JMJD1C: variants seen among roughly 807,000 people sequenced by gnomAD.
The protein encoded by JMJD1C is jumonji domain-containing protein 1C.
In JMJD1C, 31 loss-of-function variants were observed where a neutral mutation model predicts 245.3. The observed-to-expected ratio is 0.13, with a 90% CI of 0.09 to 0.17. The LOEUF (loss-of-function observed/expected upper bound fraction) is 0.17. Ranked by LOEUF, JMJD1C falls within the 10% of genes least tolerant of loss-of-function variation. The probability of loss-of-function intolerance (pLI) is 1.00; values close to 1 mark genes in which losing one functional copy is unlikely to be tolerated. For synonymous variants in JMJD1C, 1,057 were observed against 1,017.4 expected (o/e 1.04, Z -0.74); for missense variants, 2,691 against 3,000.2 (o/e 0.90, Z 2.41).
At chr10:63,385,416 C>CTTTTTT (rs35450282) in intron 1 of JMJD1C, among the ~76,000 whole-genome samples, 17 of 53,772 alleles carry the variant, frequency 3.2e-4, no homozygotes, top group East Asian at 8.2e-4. Context: ...CTGCCCCCGC[C>CTTTTTT]TTTTTTTTTT....
At chr10:63,180,925 C>T (rs982172888) in intron 22 of JMJD1C, among the ~76,000 whole-genome samples, 8 of 152,214 alleles carry the variant, frequency 5.3e-5, no homozygotes, top group Middle Eastern at 3.4e-3. Context: ...CCCGCCACTA[C>T]GCCCGGCTAA....
intron 1 of JMJD1C, among the ~76,000 whole-genome samples, chr10:63,406,850 A>G (rs889977527): frequency 2.0e-5 from 3 of 152,214 alleles, no homozygotes; most frequent in Admixed American, 2.0e-4. Context: ...AGACACTTAC[A>G]AAAGTCAAAT....
At chr10:63,351,003 C>T (rs1430575630) in intron 2 of JMJD1C, among the ~76,000 whole-genome samples, 2 of 151,840 alleles carry the variant, frequency 1.3e-5, no homozygotes, top group East Asian at 3.9e-4. Flanking sequence ...ATTTAATATA[C>T]ATCTATATAT....
chr10:63,305,513 CTCT>C (rs1938030797), intron 2 of JMJD1C, among the ~76,000 whole-genome samples: 2 of 27,610 alleles, frequency 7.2e-5, no homozygotes, highest in South Asian at 1.8e-3. Context: ...AGGTCTGACC[CTCT>C]CTCTCTCTCT....
intron 2 of JMJD1C, among the ~76,000 whole-genome samples, chr10:63,320,374 T>A (rs1940704691): frequency 6.6e-6 from 1 of 152,212 alleles, no homozygotes; most frequent in African/African-American, 2.4e-5. Flanking sequence ...ATCCAGTATA[T>A]TATTTTTCTT....
rs905013608 is a variant in JMJD1C at position 63,215,614 on chromosome 10, T to C, written c.761A>G (p.Glu254Gly). ...DDVVHSLLKG[E>G]NIGITSRRRS... is the part of the protein sequence containing the mutation. ...GCGTCGTGATGTAATGCCAATATTT[T>C]CACCTTTTAACAAAGAGTGAACAAC... The change falls in exon 6 of 26, where the codon GAA becomes GGA. Residue 254 changes from glutamate (E) to glycine (G), a missense_variant. Glu to Gly is a moderately conservative substitution (Grantham distance 98). This residue lies in a region of JMJD1C where 172 missense variants were observed against 240.8 expected (regional missense o/e 0.71). Coordinates refer to ENST00000399262, the MANE Select transcript of JMJD1C (RefSeq NM_032776.3). 1 of 1,611,572 alleles carries C rather than the reference T, an allele frequency of 6.2e-7. No homozygotes were observed. Among genetic ancestry groups the C allele is most frequent in the African/African-American group, 1.3e-5 (1 of 74,910 alleles).
intron 1 of JMJD1C, among the ~76,000 whole-genome samples, chr10:63,463,247 C>T (rs1418282647): frequency 6.6e-6 from 1 of 152,110 alleles, no homozygotes; most frequent in African/African-American, 2.4e-5. Context: ...TCACTGCAGT[C>T]TCAACCTCAC....
chr10:63,453,800 G>A (rs979906699), intron 1 of JMJD1C, among the ~76,000 whole-genome samples: 1 of 152,122 alleles, frequency 6.6e-6, no homozygotes, highest in Non-Finnish European at 1.5e-5. Context: ...GGACAGTAGC[G>A]CTACTTTGGC....
chr10:63,192,257 CTAAAA>C (rs1297336150), intron 16 of JMJD1C, among the ~76,000 whole-genome samples: 1 of 5,218 alleles, frequency 1.9e-4, no homozygotes, highest in African/African-American at 7.0e-4. Context: ...TCTACAAAAA[CTAAAA>C]AAAAAAAAAA....
intron 2 of JMJD1C, among the ~76,000 whole-genome samples, chr10:63,267,061 C>G (rs1855661346): frequency 2.0e-5 from 3 of 152,226 alleles, no homozygotes; most frequent in African/African-American, 7.2e-5. Flanking sequence ...TCTAAGAAAA[C>G]TAGCTGACAA....
intron 3 of JMJD1C, among the ~76,000 whole-genome samples, chr10:63,254,239 TG>T (rs1853527502): frequency 6.6e-6 from 1 of 151,756 alleles, no homozygotes. Flanking sequence ...ACTAGACAGC[TG>T]AAAAAAAAGA....
At chr10:63,287,402 T>G (rs1342150527) in intron 2 of JMJD1C, among the ~76,000 whole-genome samples, 1 of 152,186 alleles carries the variant, frequency 6.6e-6, no homozygotes, top group Non-Finnish European at 1.5e-5. Context: ...TTGATATCAT[T>G]TGAAATGAAA....
intron 1 of JMJD1C, among the ~76,000 whole-genome samples, chr10:63,400,691 T>C (rs921657928): frequency 1.3e-5 from 2 of 151,860 alleles, no homozygotes; most frequent in Non-Finnish European, 2.9e-5. Context: ...GCCTCCCGAG[T>C]AGCTGAGATT....
At chr10:63,498,718 TG>T (rs1000679110) in intron 1 of JMJD1C, among the ~76,000 whole-genome samples, 16 of 152,166 alleles carry the variant, frequency 1.1e-4, no homozygotes, top group African/African-American at 3.9e-4. Flanking sequence ...TTTTTTATTG[TG>T]GTAAGACCAC....
At chr10:63,425,207 A>G (rs1371919711) in intron 1 of JMJD1C, among the ~76,000 whole-genome samples, 1 of 152,202 alleles carries the variant, frequency 6.6e-6, no homozygotes. Context: ...TGCAAATAAT[A>G]TATTTCCTTT....
chr10:63,265,143 T>C (rs1305802184), intron 2 of JMJD1C, among the ~76,000 whole-genome samples: 1 of 152,158 alleles, frequency 6.6e-6, no homozygotes, highest in Non-Finnish European at 1.5e-5. Context: ...AACTGTATTA[T>C]TTCTTATTAA....
Position 63,485,296 on chromosome 10 carries a change from A to T in JMJD1C, n.113+36442T>A, listed in dbSNP as rs953424729. 1.2e-4 allele frequency among the ~76,000 whole-genome samples: 19 copies of T among 152,108 alleles called. No individual in the cohort carries two copies. The East Asian group carries it at 3.7e-3, about 29-fold the overall frequency. On this transcript the variant is annotated intron_variant and non_coding_transcript_variant, in intron 1 of 3. Transcript: ENST00000633035. ...GAGTATCTATGGCTCTTCCTGAAAT[A>T]CTTACTGTGCTCTCCTCTTTCTATA...
At chr10:63,497,473 C>T (rs982014228) in intron 1 of JMJD1C, among the ~76,000 whole-genome samples, 4 of 152,094 alleles carry the variant, frequency 2.6e-5, no homozygotes, top group African/African-American at 9.7e-5. Context: ...AGGATATTAG[C>T]GTTTGCCTCA....
intron 2 of JMJD1C, among the ~76,000 whole-genome samples, chr10:63,379,799 C>T (rs1387965264): frequency 6.6e-6 from 1 of 152,050 alleles, no homozygotes; most frequent in African/African-American, 2.4e-5. Flanking sequence ...CAAAGAGACA[C>T]CTAAAGTTGT....
Sources: gnomAD v4.1 joint callset for allele counts (sites outside exome capture counted in the v4.1 genomes callset) on GRCh38, gnomAD v4.1.1 for gene constraint, gnomAD v4.1.1 regional missense constraint, MANE v1.5 for transcripts, NCBI Gene and HGNC (gene_info 2026-07-23, HGNC 2026-07-21) for gene names.